The following RIMS2 variants were observed in gnomAD, a reference collection of about 807,000 sequenced individuals.
The protein encoded by RIMS2 is regulating synaptic membrane exocytosis 2, also known as regulating synaptic membrane exocytosis protein 2.
RIMS2 carries 59 observed loss-of-function variants against 174.4 expected under a neutral mutation model. The observed-to-expected ratio is 0.34, with a 90% CI of 0.27 to 0.42. The LOEUF (loss-of-function observed/expected upper bound fraction) is 0.42. Among genes scored for constraint, RIMS2 ranks in the 10% least tolerant of loss-of-function variants. The pLI, the probability that RIMS2 is intolerant of heterozygous loss-of-function variation, is 1.00. For missense variants in RIMS2, 1,620 were observed against 1,666.3 expected (o/e 0.97, Z 0.48); for synonymous variants, 606 against 572.5 (o/e 1.06, Z -0.84).
chr8:103,861,133 G>GC (rs1370138366), intron 3 of RIMS2, among the ~76,000 whole-genome samples: 1 of 141,726 alleles, frequency 7.1e-6, no homozygotes, highest in Non-Finnish European at 1.5e-5. Flanking sequence ...CCCCTCCTAA[G>GC]CCCCCCATTT....
At chr8:103,885,248 A>G (rs118008121) in intron 3 of RIMS2, 50 bp from the exon 7 acceptor site, 95,456 of 1,493,154 alleles carry the variant, frequency 0.064, 3,446 homozygotes, top group Non-Finnish European at 0.071. Context: ...TGAAATGTAA[A>G]ATTGATAAAC....
intron 19 of RIMS2, among the ~76,000 whole-genome samples, chr8:104,214,878 A>G (rs2099122935): frequency 6.6e-6 from 1 of 152,244 alleles, no homozygotes; most frequent in South Asian, 2.1e-4. Context: ...AACTACGTTC[A>G]AGCAACAGTC....
chr8:103,953,150 A>T (rs748683511), intron 14 of RIMS2, among the ~76,000 whole-genome samples: 10 of 152,240 alleles, frequency 6.6e-5, no homozygotes, highest in Non-Finnish European at 1.2e-4. Context: ...AAGTGACGGG[A>T]GAACAGAACC....
intron 3 of RIMS2, among the ~76,000 whole-genome samples, chr8:103,853,267 A>AT (rs956739273): frequency 1.5e-4 from 23 of 149,216 alleles, no homozygotes; most frequent in African/African-American, 4.4e-4. Flanking sequence ...CAACTTTTTA[A>AT]TTTTTTTTTG....
At chr8:103,576,130 C>G (rs922187149) in intron 1 of RIMS2, among the ~76,000 whole-genome samples, 5 of 152,170 alleles carry the variant, frequency 3.3e-5, no homozygotes, top group African/African-American at 1.2e-4. Flanking sequence ...CCACAGGTCC[C>G]CTGGGCATGA....
intron 1 of RIMS2, among the ~76,000 whole-genome samples, chr8:103,554,586 G>T (rs1222192163): frequency 6.6e-6 from 1 of 152,142 alleles, no homozygotes; most frequent in Admixed American, 6.6e-5. Flanking sequence ...ACTGTTGCTG[G>T]TCATGTAAAT....
At chr8:104,234,309 C>T (rs936452169) in intron 19 of RIMS2, among the ~76,000 whole-genome samples, 1 of 151,958 alleles carries the variant, frequency 6.6e-6, no homozygotes, top group East Asian at 1.9e-4. Context: ...CTCAAAATAT[C>T]TAACTTGAGA....
intron 1 of RIMS2, among the ~76,000 whole-genome samples, chr8:103,627,616 T>G (rs2135032590): frequency 6.6e-6 from 1 of 152,338 alleles, no homozygotes; most frequent in South Asian, 2.1e-4. Context: ...CATGAAATCT[T>G]CACAATTTAT....
chr8:104,188,472 A>T (rs764020145), intron 19 of RIMS2, among the ~76,000 whole-genome samples: 39 of 151,728 alleles, frequency 2.6e-4, no homozygotes, highest in Admixed American at 2.0e-3. Context: ...TGCTAGGCTT[A>T]TAGAATTTCC....
chr8:104,101,089 A>G (rs569229453), intron 19 of RIMS2, among the ~76,000 whole-genome samples: 1 of 138,402 alleles, frequency 7.2e-6, no homozygotes, highest in Non-Finnish European at 1.5e-5. Flanking sequence ...TTATATATGT[A>G]ATATATAATA....
intron 1 of RIMS2, among the ~76,000 whole-genome samples, chr8:103,607,625 C>G (rs2095174356): frequency 7.0e-6 from 1 of 143,084 alleles, no homozygotes; most frequent in African/African-American, 2.7e-5. Flanking sequence ...CTCCCCATCA[C>G]TTTCAGGTAC....
At position 103,879,909 on chromosome 8, in the gene RIMS2, T is replaced by A. The variant is rs139531928; in HGVS notation, c.699-5389T>A. On this transcript the variant is annotated intron_variant, in intron 3 of 23. Transcript: ENST00000504942. ...TATTAAAATTCTTTTTAATTTTTTT[T>A]AAATCACTGAATGAGCATTGAGATG... Among the ~76,000 whole-genome samples, 1,294 of 151,820 alleles carry A rather than the reference T, an allele frequency of 8.5e-3. 19 individuals are homozygous for A. The highest frequency in any genetic ancestry group is 0.029 in the African/African-American group (1,220 of 41,508).
chr8:104,039,447 A>G (rs1477200683), intron 19 of RIMS2, among the ~76,000 whole-genome samples: 1 of 151,798 alleles, frequency 6.6e-6, no homozygotes, highest in African/African-American at 2.4e-5. Context: ...GGATCCACAT[A>G]ATATGAAAAC....
At chr8:103,584,611 T>A (rs2093804102) in intron 1 of RIMS2, among the ~76,000 whole-genome samples, 2 of 152,216 alleles carry the variant, frequency 1.3e-5, no homozygotes, top group South Asian at 4.1e-4. Context: ...GCATAGAGTT[T>A]TAATAGTTTG....
intron 3 of RIMS2, among the ~76,000 whole-genome samples, chr8:103,770,205 A>G (rs1485506279): frequency 6.6e-6 from 1 of 152,142 alleles, no homozygotes; most frequent in Admixed American, 6.5e-5. Flanking sequence ...ACTCCTGTTC[A>G]TTTATTTATT....
At chr8:103,683,015 C>T (rs1170786760) in intron 1 of RIMS2, among the ~76,000 whole-genome samples, 7 of 152,158 alleles carry the variant, frequency 4.6e-5, no homozygotes, top group Non-Finnish European at 8.8e-5. Flanking sequence ...GTGAGAAATG[C>T]GGCTTCCACT....
At chr8:104,045,750 G>A (rs1264319770) in intron 19 of RIMS2, among the ~76,000 whole-genome samples, 2 of 151,712 alleles carry the variant, frequency 1.3e-5, no homozygotes, top group Non-Finnish European at 2.9e-5. Context: ...TTGGGTCTGT[G>A]CTACCTTAAG....
At chr8:103,719,905 A>G (rs2097424864) in intron 2 of RIMS2, among the ~76,000 whole-genome samples, 1 of 152,178 alleles carries the variant, frequency 6.6e-6, no homozygotes, top group Non-Finnish European at 1.5e-5. Context: ...TAGAAAGGCA[A>G]CTTTAATGTG....
chr8:103,880,344 AC>A, intron 3 of RIMS2: 1 of 223,968 alleles, frequency 4.5e-6, no homozygotes. Flanking sequence ...TCAGCTAAGT[AC>A]CATAATCCTC....
Sources: gnomAD v4.1 joint callset for allele counts (sites outside exome capture counted in the v4.1 genomes callset) on GRCh38, gnomAD v4.1.1 for gene constraint, MANE v1.5 for transcripts, NCBI Gene and HGNC (gene_info 2026-07-23, HGNC 2026-07-21) for gene names.